ZNF273: variants seen among roughly 807,000 people sequenced by gnomAD.
ZNF273 encodes zinc finger protein 9.
ZNF273 carries 11 observed loss-of-function variants against 14.9 expected under a neutral mutation model. The observed-to-expected ratio is 0.74, with a 90% confidence interval of 0.46 to 1.22. ZNF273 has a LOEUF of 1.22. Ranked by LOEUF, ZNF273 falls within the 50% of genes most tolerant of loss-of-function variation. The pLI is 0.00. For missense variants in ZNF273, 577 were observed against 660.6 expected (o/e 0.87, Z 1.39); for synonymous variants, 199 against 223.9 (o/e 0.89, Z 0.99).
At chr7:64,888,676 A>G (rs999921854) in exon 2 of ZNF273, 1 of 985,640 alleles carries the variant, frequency 1.0e-6, no homozygotes, top group African/African-American at 1.7e-5. Flanking sequence ...CGTCTTCGGC[A>G]AAGTCTTCGG....
At chr7:64,897,529 T>C (rs1792434220) in exon 4 of ZNF273, 1 of 151,788 alleles carries the variant, frequency 6.6e-6, no homozygotes, top group African/African-American at 2.4e-5. Context: ...GGTTTCACTG[T>C]GCTGGCCAGC....
upstream of ZNF273, among the ~76,000 whole-genome samples, chr7:64,899,944 G>C (rs1792588020): frequency 6.6e-6 from 1 of 151,838 alleles, no homozygotes; most frequent in Non-Finnish European, 1.5e-5. Flanking sequence ...ATTTTTAGTA[G>C]AGACGGGGTT....
At chr7:64,883,224 C>CCA (rs943411293), downstream of ZNF273, among the ~76,000 whole-genome samples, 10 of 134,746 alleles carry the variant, frequency 7.4e-5, no homozygotes, top group Admixed American at 7.6e-5. Context: ...ACCCCCCCCT[C>CCA]ACCAAGCAGC....
chr7:64,914,572 T>A (rs1439908615), intron 1 of ZNF273, among the ~76,000 whole-genome samples: 1 of 152,154 alleles, frequency 6.6e-6, no homozygotes, highest in East Asian at 1.9e-4. Context: ...CAGTTCTGTT[T>A]GAGTTTGGTA....
rs1446779228 is a variant in ZNF273 at position 64,928,754 on chromosome 7, C to T, written c.1426C>T (p.His476Tyr). The T allele has an allele frequency of 6.2e-7, 1 of 1,613,322 alleles. No homozygotes were observed. Among genetic ancestry groups the T allele is most frequent in the Non-Finnish European group, 8.5e-7 (1 of 1,179,802 alleles). The part of the protein sequence containing the change: ...AFRAFSTLTE[H>Y]KRVHTGEKPY... ...TAGGGCATTCTCAACCCTTACTGAA[C>T]ATAAGAGAGTTCATACTGGAGAGAA... The change falls in exon 4 of 4, where the codon CAT (histidine) becomes TAT (tyrosine). Residue 476 changes from histidine to tyrosine, a missense_variant. Physicochemically the swap from His to Tyr is moderately conservative, Grantham distance 83. Transcript: ENST00000476120.
chr7:64,928,995 ACT>A lies in ZNF273; in HGVS notation c.1668_1669del (p.Ser558Ter). 3 of 1,570,976 alleles carry A rather than the reference ACT, an allele frequency of 1.9e-6. No homozygotes were observed. Among genetic ancestry groups the A allele is most frequent in the Non-Finnish European group, 2.6e-6 (3 of 1,162,572 alleles). ...GACAGTGCTTTTGACAACACCCCAAACTTTTCTAGACATAAAAGAAATCATAT... is the reference window on the plus strand; with the variant it reads ...GACAGTGCTTTTGACAACACCCCAAATTTCTAGACATAAAAGAAATCATAT... On this transcript the variant is annotated frameshift_variant, in exon 4 of 4. Coordinates refer to ENST00000476120, the MANE Select transcript of ZNF273 (RefSeq NM_021148.3). LOFTEE classifies it high-confidence loss of function.
In ZNF273 at chr7:64,888,705, T is replaced by G. The variant is rs1583960568; in HGVS notation, n.406T>G. On this transcript the variant is annotated non_coding_transcript_exon_variant, in exon 2 of 2. Coordinates refer to the ZNF273 transcript ENST00000471926. The stretch of plus-strand genomic sequence containing the variant: ...TCTTCGGGGTGAGAGGTCCGGCTCC[T>G]GGAGGACAGCGGGATGGGAGAGTCC... 4.1e-6 allele frequency: 4 copies of G among 985,588 alleles called. 1 individual carries two copies. The African/African-American group carries it at 7.0e-5, about 17-fold the overall frequency. The allele number at this position is 985,588 out of a possible 1,614,324, so 61.1% of individuals were successfully genotyped here. A position where few individuals can be genotyped will look rare whatever the true frequency, so the allele number is the denominator to read the frequency against.
rs1239303967 is a variant in ZNF273 at position 64,916,372 on chromosome 7, A to C, written c.103-1209A>C. Among the ~76,000 whole-genome samples, 62 of 146,358 alleles carry C rather than the reference A, an allele frequency of 4.2e-4. 1 individual carries two copies. The highest frequency in any genetic ancestry group is 1.2e-3 in the African/African-American group (48 of 40,062). On this transcript the variant is annotated intron_variant, in intron 1 of 3. Coordinates refer to ENST00000476120, the MANE Select transcript of ZNF273 (RefSeq NM_021148.3). ...AAACCCCATCTCTACTAAAAATGTA[A>C]AAAAAAAAAAAAAAAAATTAGCTGG...
chr7:64,888,963 C>T (rs569786191), downstream of ZNF273: 170 of 984,242 alleles, frequency 1.7e-4, no homozygotes, highest in African/African-American at 2.8e-3. Context: ...CCCCTGTCCA[C>T]CCAGCCGCCG....
chr7:64,912,829 T>TTTTTTTTTTG (rs1793647423), intron 1 of ZNF273, among the ~76,000 whole-genome samples: 1 of 92,136 alleles, frequency 1.1e-5, no homozygotes, highest in African/African-American at 3.4e-5. Flanking sequence ...CATTTTAGTT[T>TTTTTTTTTTG]TTTTTTTTTT....
chr7:64,884,800 G>A (rs898469076), intron 1 of ZNF273, among the ~76,000 whole-genome samples: 4 of 152,192 alleles, frequency 2.6e-5, no homozygotes, highest in South Asian at 2.1e-4. Context: ...TCACATTCTC[G>A]AATCGCCTTT....
chr7:64,909,264 G>T (rs1175362832), intron 1 of ZNF273, among the ~76,000 whole-genome samples: 2 of 147,824 alleles, frequency 1.4e-5, no homozygotes, highest in Non-Finnish European at 3.0e-5. Flanking sequence ...TCCCTCTGTC[G>T]CCCAGACTGG....
rs1794841263 is a variant in ZNF273 at position 64,927,903 on chromosome 7, AT to A, written c.577del (p.Ser193GlnfsTer29). ...KYVKVLHKFS[N>X]SNIHKKRQTG... ...GTTAAAGTCCTTCATAAATTCTCAA[AT>A]TCAAATATACATAAGAAAAGACAAA... On this transcript the variant is annotated frameshift_variant, in exon 4 of 4. Transcript: ENST00000476120. LOFTEE classifies it low-confidence loss of function (END_TRUNC). The A allele has an allele frequency of 6.2e-7, 1 of 1,613,418 alleles. No individual in the cohort carries two copies. Among genetic ancestry groups the A allele is most frequent in the Non-Finnish European group, 8.5e-7 (1 of 1,179,818 alleles).
At position 64,929,357 on chromosome 7, in the gene ZNF273, C is replaced by T. The variant is rs1794921188; in HGVS notation, c.*319C>T. 5.8e-6 allele frequency: 1 copy of T among 173,528 alleles called. No individual in the cohort carries two copies. The allele number at this position is 173,528 out of a possible 1,614,324, so 10.7% of individuals were successfully genotyped here. On this transcript the variant is annotated 3_prime_UTR_variant, in exon 4 of 4. Transcript: ENST00000476120. ...AAAAGTACAAAGAGGTTTGTAGTACCTTTGTTTGTATCATAGATCTTATTG... is the reference window on the plus strand; with the variant it reads ...AAAAGTACAAAGAGGTTTGTAGTACTTTTGTTTGTATCATAGATCTTATTG...
chr7:64,915,318 G>C (rs774477390), intron 1 of ZNF273, among the ~76,000 whole-genome samples: 1 of 152,002 alleles, frequency 6.6e-6, no homozygotes, highest in African/African-American at 2.4e-5. Flanking sequence ...AGGAATTAAA[G>C]ACACACACAG....
At chr7:64,888,372 A>C (rs572674057) in intron 1 of ZNF273, 12 of 985,344 alleles carry the variant, frequency 1.2e-5, no homozygotes, top group Non-Finnish European at 1.4e-5. Flanking sequence ...CGGGTTATGA[A>C]GATGAGAGGG....
intron 1 of ZNF273, among the ~76,000 whole-genome samples, chr7:64,916,811 A>G (rs1453265186): frequency 6.6e-6 from 1 of 152,120 alleles, no homozygotes; most frequent in Non-Finnish European, 1.5e-5. Flanking sequence ...TGTTCTGCAC[A>G]TGTAACCCAG....
At chr7:64,890,685 G>A (rs1276422424), downstream of ZNF273, among the ~76,000 whole-genome samples, 2 of 152,226 alleles carry the variant, frequency 1.3e-5, no homozygotes, top group Non-Finnish European at 2.9e-5. Context: ...AGTCCTCTGA[G>A]CATGGACTCC....
chr7:64,927,304 G>A (rs551088449), intron 3 of ZNF273, among the ~76,000 whole-genome samples: 2 of 152,246 alleles, frequency 1.3e-5, no homozygotes, highest in Non-Finnish European at 2.9e-5. Flanking sequence ...TGGTCAGGCT[G>A]GTCTTGAACT....
Sources: gnomAD v4.1 joint callset for allele counts (sites outside exome capture counted in the v4.1 genomes callset) on GRCh38, gnomAD v4.1.1 for gene constraint, MANE v1.5 for transcripts, NCBI Gene and HGNC (gene_info 2026-07-23, HGNC 2026-07-21) for gene names.